Variants in CDC42EP3 observed in about 807,000 individuals in gnomAD.
The protein encoded by CDC42EP3 is CDC42 effector protein (Rho GTPase binding) 3.
A neutral mutation model predicts 15.5 loss-of-function variants in CDC42EP3; 4 were observed. That is an observed-to-expected ratio of 0.26 (90% CI 0.13 to 0.59). The LOEUF is 0.59. Among genes scored for constraint, CDC42EP3 ranks in the 20% least tolerant of loss-of-function variants. The pLI, the probability that CDC42EP3 is intolerant of heterozygous loss-of-function variation, is 0.89. For missense variants in CDC42EP3, 309 were observed against 311.2 expected, an observed-to-expected ratio of 0.99 and a Z score of 0.05; for synonymous variants, 145 against 130.3, an observed-to-expected ratio of 1.11 and a Z score of -0.77.
Position 37,645,712 on chromosome 2 carries a change from T to G in CDC42EP3, c.*111A>C. 2.4e-6 allele frequency: 2 copies of G among 843,098 alleles called. No individual in the cohort carries two copies. Among genetic ancestry groups the G allele is most frequent in the Non-Finnish European group, 1.8e-6 (1 of 562,602 alleles). The allele number at this position is 843,098 out of a possible 1,614,324, so 52.2% of individuals were successfully genotyped here. A position where few individuals can be genotyped will look rare whatever the true frequency, so the allele number is the denominator to read the frequency against. On this transcript the variant is annotated 3_prime_UTR_variant, in exon 2 of 2. Coordinates refer to ENST00000295324, the MANE Select transcript of CDC42EP3 (RefSeq NM_006449.5). ...AAAAAATACTTTGTAAGAATATTAT[T>G]TTAGAAAACCCAACACAAAACTGCA...
rs574917856 is a variant in CDC42EP3, at chr2:37,650,469, C to A, written c.-235-3647G>T. On this transcript the variant is annotated intron_variant, in intron 1 of 1. Transcript: ENST00000295324. ...GGTACCAGCAGCACTTGATACAAGT[C>A]GGTATTTGTTGAGGGCTTCTCTATG... 4.6e-5 allele frequency among the ~76,000 whole-genome samples: 7 copies of A among 152,298 alleles called. No individual in the cohort carries two copies. The South Asian group carries it at 1.5e-3, about 32-fold the overall frequency.
chr2:37,652,002 C>T (rs1450289842), intron 1 of CDC42EP3, among the ~76,000 whole-genome samples: 21 of 151,824 alleles, frequency 1.4e-4, no homozygotes, highest in African/African-American at 3.9e-4. Context: ...GGTGAAACCC[C>T]GTCTCTACTA....
chr2:37,650,816 A>G (rs1029246489), intron 1 of CDC42EP3, among the ~76,000 whole-genome samples: 3 of 152,340 alleles, frequency 2.0e-5, no homozygotes, highest in Middle Eastern at 3.4e-3. Context: ...CCCTGCATAC[A>G]CTGACAGTTG....
At chr2:37,649,590 G>C (rs1055159987) in intron 1 of CDC42EP3, among the ~76,000 whole-genome samples, 29 of 152,174 alleles carry the variant, frequency 1.9e-4, no homozygotes, top group African/African-American at 5.8e-4. Context: ...GAAGAGCAAA[G>C]GGGGAGAAAG....
intron 1 of CDC42EP3, among the ~76,000 whole-genome samples, chr2:37,656,012 C>T (rs1222636629): frequency 6.6e-6 from 1 of 152,226 alleles, no homozygotes; most frequent in Non-Finnish European, 1.5e-5. Flanking sequence ...CCTTGGAGGG[C>T]AAAGTTCCTA....
At chr2:37,660,019 T>G (rs1183141180) in intron 1 of CDC42EP3, among the ~76,000 whole-genome samples, 1 of 152,192 alleles carries the variant, frequency 6.6e-6, no homozygotes, top group Non-Finnish European at 1.5e-5. Context: ...ACCAGTTACC[T>G]TCATGTAAAA....
chr2:37,668,524 A>T (rs1666313018), intron 1 of CDC42EP3, among the ~76,000 whole-genome samples: 1 of 152,232 alleles, frequency 6.6e-6, no homozygotes, highest in Non-Finnish European at 1.5e-5. Flanking sequence ...ACATGTGCCC[A>T]GGCAGCCTGA....
chr2:37,664,422 C>A (rs1163446170), intron 1 of CDC42EP3, among the ~76,000 whole-genome samples: 1 of 152,186 alleles, frequency 6.6e-6, no homozygotes, highest in African/African-American at 2.4e-5. Context: ...GGACTAACTT[C>A]CTTGTTCCTC....
chr2:37,646,254 T>C lies in CDC42EP3; in HGVS notation c.334A>G (p.Ile112Val), dbSNP rs776940213. 3.7e-6 allele frequency: 6 copies of C among 1,613,996 alleles called. No individual in the cohort carries two copies. Among genetic ancestry groups the C allele is most frequent in the Non-Finnish European group, 5.1e-6 (6 of 1,180,018 alleles). Residue 112 changes from isoleucine to valine, a missense_variant, in exon 2 of 2, where the codon ATT becomes GTT. By Grantham distance (29) the Ile-to-Val change is conservative. Transcript: ENST00000295324. ...VLKNAISLPT[I>V]GGSQALMLPL... is the part of the protein sequence containing the mutation. ...AACATGAGAGCTTGGGATCCTCCAA[T>C]GGTCGGGAGGGAGATGGCATTTTTG...
rs145998167 is a variant in CDC42EP3, at chr2:37,663,535, G to A, written c.-236+7891C>T. On this transcript the variant is annotated intron_variant, in intron 1 of 1. Transcript: ENST00000295324. ...ATTGGTGGGGGTTGCCAATCTCTCC[G>A]CGGAGATCTTGAGAAGGTTCCAGCA... 1.6e-3 allele frequency among the ~76,000 whole-genome samples: 239 copies of A among 152,284 alleles called. 2 individuals are homozygous for A. The highest frequency in any genetic ancestry group is 5.5e-3 in the African/African-American group (230 of 41,558).
intron 1 of CDC42EP3, among the ~76,000 whole-genome samples, chr2:37,663,819 C>A (rs1238018801): frequency 6.6e-6 from 1 of 152,130 alleles, no homozygotes; most frequent in Non-Finnish European, 1.5e-5. Flanking sequence ...TTGGGAGACA[C>A]AGACCCATCC....
intron 1 of CDC42EP3, among the ~76,000 whole-genome samples, chr2:37,669,104 C>CAATAAT (rs201597407): frequency 6.6e-6 from 1 of 151,350 alleles, no homozygotes; most frequent in Non-Finnish European, 1.5e-5. Flanking sequence ...ATCTGAATAA[C>CAATAAT]AATAATAATA....
rs556433227 is a variant in CDC42EP3 at position 37,652,400 on chromosome 2, A to C, written c.-235-5578T>G. 2.6e-4 allele frequency among the ~76,000 whole-genome samples: 39 copies of C among 152,260 alleles called. 1 individual carries two copies. The South Asian group carries it at 7.5e-3, about 29-fold the overall frequency. On this transcript the variant is annotated intron_variant, in intron 1 of 1. Coordinates refer to ENST00000295324, the MANE Select transcript of CDC42EP3 (RefSeq NM_006449.5). ...GCTTACAGGCCGGAAGCGAATTACC[A>C]GACTACAACTAGGGAGCGGGCCCTC...
chr2:37,658,878 A>G (rs866755526), intron 1 of CDC42EP3, among the ~76,000 whole-genome samples: 14 of 152,314 alleles, frequency 9.2e-5, no homozygotes, highest in South Asian at 2.1e-4. Context: ...TCTACACCAG[A>G]GTGAGGTACC....
intron 1 of CDC42EP3, among the ~76,000 whole-genome samples, chr2:37,658,067 G>C (rs972888062): frequency 2.6e-5 from 4 of 152,094 alleles, no homozygotes; most frequent in African/African-American, 9.7e-5. Flanking sequence ...CTTAAATGTT[G>C]GCATTTTCAT....
chr2:37,667,445 C>G (rs985871082), intron 1 of CDC42EP3, among the ~76,000 whole-genome samples: 21 of 152,288 alleles, frequency 1.4e-4, no homozygotes, highest in Non-Finnish European at 1.8e-4. Context: ...AGCGAGCACA[C>G]AGTCTATGCT....
chr2:37,642,083 T>C lies in CDC42EP3; in HGVS notation c.*3740A>G, dbSNP rs970655805. The C allele has an allele frequency of 6.6e-6, 1 of 152,190 alleles. No homozygotes were observed. Among genetic ancestry groups the C allele is most frequent in the African/African-American group, 2.4e-5 (1 of 41,422 alleles). 9.4% of individuals were successfully genotyped at this position (152,190 alleles called of 1,614,324 possible). On this transcript the variant is annotated 3_prime_UTR_variant, in exon 2 of 2. Transcript: ENST00000295324. ...ATAACTCAGCTGAAAAATATTTAGATCTACTTGCTCTAAGAATAAGGTCAA... is the reference window on the plus strand; with the variant it reads ...ATAACTCAGCTGAAAAATATTTAGACCTACTTGCTCTAAGAATAAGGTCAA...
At position 37,646,783 on chromosome 2, in the gene CDC42EP3, C is replaced by T. The variant is rs1665497293; in HGVS notation, c.-196G>A. 3.7e-6 allele frequency: 2 copies of T among 542,402 alleles called. No individual in the cohort carries two copies. The highest frequency in any genetic ancestry group is 5.1e-5 in the South Asian group (2 of 38,996). 33.6% of individuals were successfully genotyped at this position (542,402 alleles called of 1,614,324 possible). A position where few individuals can be genotyped will look rare whatever the true frequency, so the allele number is the denominator to read the frequency against. On this transcript the variant is annotated 5_prime_UTR_variant, in exon 2 of 2. Coordinates refer to ENST00000295324, the MANE Select transcript of CDC42EP3 (RefSeq NM_006449.5). Reference sequence around the variant, plus strand: ...CGGCCAAGTGAGGCTTCCTAGAGAGCCAGTTACATCATCCAGTCTTGACCA... The same window carrying T: ...CGGCCAAGTGAGGCTTCCTAGAGAGTCAGTTACATCATCCAGTCTTGACCA...
At chr2:37,666,722 A>C (rs542993049) in intron 1 of CDC42EP3, among the ~76,000 whole-genome samples, 39 of 152,328 alleles carry the variant, frequency 2.6e-4, no homozygotes, top group Non-Finnish European at 5.1e-4. Flanking sequence ...TAAAATTTGA[A>C]AACTGCTTTT....
Sources: allele counts gnomAD v4.1 joint callset (sites outside exome capture counted in the v4.1 genomes callset), GRCh38; gene constraint gnomAD v4.1.1; transcripts MANE v1.5; gene names NCBI Gene and HGNC (gene_info 2026-07-23, HGNC 2026-07-21).